Variants in ST7 observed in about 807,000 individuals in gnomAD.
ST7 encodes the protein suppressor of tumorigenicity 7 protein.
Under a neutral mutation model 78.7 loss-of-function variants are expected in ST7, and 28 were observed. The observed-to-expected ratio is 0.36, with a 90% CI of 0.26 to 0.49. The LOEUF (loss-of-function observed/expected upper bound fraction) is 0.49, where lower values mean the gene tolerates loss of function less well. Among genes scored for constraint, ST7 ranks in the 20% least tolerant of loss-of-function variants. The pLI is 0.99. For missense variants in ST7, 418 were observed against 696.0 expected (o/e 0.60, Z 4.49); for synonymous variants, 247 against 249.6 (o/e 0.99, Z 0.10).
In ST7 at chr7:117,219,185, C is replaced by T; in HGVS notation, c.1498+9C>T. Reference sequence around the variant, plus strand: ...CCGAGAGCTGCTTCCATGTAAGTCTCACCTCTCTTCAGCCAGTGAGGGTGT... The same window carrying T: ...CCGAGAGCTGCTTCCATGTAAGTCTTACCTCTCTTCAGCCAGTGAGGGTGT... On this transcript the variant is annotated intron_variant, in intron 14 of 15. Coordinates refer to ENST00000323984, the MANE Select transcript of ST7 (RefSeq NM_001369598.1). This position sits in a 1 kb window ranked among gnomAD's most constrained non-coding sequence, Gnocchi z 5.1. The T allele has an allele frequency of 1.2e-6, 2 of 1,609,082 alleles. No homozygotes were observed. Among genetic ancestry groups the T allele is most frequent in the Non-Finnish European group, 1.7e-6 (2 of 1,176,836 alleles).
chr7:117,016,512 T>C (rs941191606), intron 1 of ST7, among the ~76,000 whole-genome samples: 28 of 152,202 alleles, frequency 1.8e-4, no homozygotes, highest in African/African-American at 6.3e-4. Context: ...TCTTAAGTAA[T>C]ACTTTATATA....
chr7:116,962,813 AG>A (rs1792899671), intron 1 of ST7, among the ~76,000 whole-genome samples: 1 of 152,134 alleles, frequency 6.6e-6, no homozygotes, highest in Non-Finnish European at 1.5e-5. Flanking sequence ...TTCTAGATAT[AG>A]GATCATGTCG....
chr7:117,106,014 C>T (rs1049229893), intron 2 of ST7, among the ~76,000 whole-genome samples: 1 of 151,174 alleles, frequency 6.6e-6, no homozygotes, highest in Non-Finnish European at 1.5e-5. Context: ...TTTTTTGAGA[C>T]GGAGTCTCGC....
intron 1 of ST7, among the ~76,000 whole-genome samples, chr7:117,093,558 G>A (rs993732600): frequency 2.6e-5 from 4 of 152,112 alleles, no homozygotes; most frequent in Non-Finnish European, 4.4e-5. Context: ...AAAATTAGCC[G>A]GGTGTGGTGG....
intron 1 of ST7, among the ~76,000 whole-genome samples, chr7:117,079,703 A>G (rs1244222704): frequency 6.6e-6 from 1 of 152,212 alleles, no homozygotes; most frequent in Non-Finnish European, 1.5e-5. Flanking sequence ...ATTTGTTACC[A>G]AAATAAAACA....
chr7:117,164,074 A>T (rs989870444), intron 9 of ST7, among the ~76,000 whole-genome samples: 1 of 152,210 alleles, frequency 6.6e-6, no homozygotes, highest in Non-Finnish European at 1.5e-5. Context: ...CTAAGCAAAA[A>T]GTACAAAGCT....
intron 1 of ST7, chr7:116,954,485 G>A (rs536115557): frequency 2.6e-5 from 4 of 152,334 alleles, no homozygotes; most frequent in African/African-American, 9.6e-5. Context: ...CAAGTGCCGC[G>A]TGCCTCCCAT....
chr7:116,991,184 G>A (rs1794410925), intron 1 of ST7, among the ~76,000 whole-genome samples: 1 of 152,156 alleles, frequency 6.6e-6, no homozygotes, highest in Admixed American at 6.5e-5. Context: ...TTAGTATTTT[G>A]TTTTGAAAAA....
intron 14 of ST7, among the ~76,000 whole-genome samples, chr7:117,220,274 G>T (rs1792991060): frequency 6.6e-6 from 1 of 152,182 alleles, no homozygotes; most frequent in Non-Finnish European, 1.5e-5. Flanking sequence ...CTGCCAGCCA[G>T]ACCCAGTGCG....
At chr7:117,016,060 TA>T (rs1178944770) in intron 1 of ST7, among the ~76,000 whole-genome samples, 2 of 152,242 alleles carry the variant, frequency 1.3e-5, no homozygotes, top group Non-Finnish European at 2.9e-5. Context: ...GCTTGCTATT[TA>T]AAGGACTTCT....
chr7:117,223,481 T>G, intron 15 of ST7: 1 of 162,396 alleles, frequency 6.2e-6, no homozygotes, highest in East Asian at 1.8e-4. Context: ...CAGCCTTAGC[T>G]CTCCCAACTC....
rs182539512 is a variant in ST7, at chr7:117,041,632, A to G, written c.152-58130A>G. Among the ~76,000 whole-genome samples, 10 of 152,222 alleles carry G rather than the reference A, an allele frequency of 6.6e-5. No individual in the cohort carries two copies. In the South Asian group the frequency reaches 8.3e-4, roughly 13 times the overall value. ...ACATATAAATGCCCCTTCTCTCTGC[A>G]TATATGTATTCGCTGCATAGGGTAT... On this transcript the variant is annotated intron_variant, in intron 1 of 15. Coordinates refer to ENST00000323984, the MANE Select transcript of ST7 (RefSeq NM_001369598.1).
intron 15 of ST7, among the ~76,000 whole-genome samples, chr7:117,228,959 C>T (rs1489335296): frequency 6.6e-6 from 1 of 152,214 alleles, no homozygotes; most frequent in Non-Finnish European, 1.5e-5. Flanking sequence ...GGCACCTCTT[C>T]TGCCAGATGC....
intron 1 of ST7, chr7:116,967,337 C>G (rs764365354): frequency 6.4e-6 from 3 of 471,044 alleles, no homozygotes; most frequent in Non-Finnish European, 1.3e-5. Context: ...TTTGAGTGCT[C>G]CACTTGCGCT....
chr7:117,057,754 G>A (rs537421376), intron 1 of ST7, among the ~76,000 whole-genome samples: 30 of 152,158 alleles, frequency 2.0e-4, no homozygotes, highest in Non-Finnish European at 3.5e-4. Flanking sequence ...TAGTGATATA[G>A]TAGAGTGAGG....
intron 1 of ST7, chr7:116,959,805 T>C (rs1274699471): frequency 6.6e-6 from 1 of 152,218 alleles, no homozygotes; most frequent in African/African-American, 2.4e-5. Context: ...AATAAAGCAA[T>C]CCGAATGATG....
intron 12 of ST7, among the ~76,000 whole-genome samples, chr7:117,203,312 A>G (rs1811052095): frequency 6.6e-6 from 1 of 152,168 alleles, no homozygotes; most frequent in Non-Finnish European, 1.5e-5. Context: ...TCATTTTCCC[A>G]TCTGTGAAAC....
intron 1 of ST7, among the ~76,000 whole-genome samples, chr7:116,987,713 C>CGTGGT (rs1794247649): frequency 3.9e-5 from 6 of 152,298 alleles, no homozygotes; most frequent in African/African-American, 1.4e-4. Flanking sequence ...AGAAATCACC[C>CGTGGT]ACTGTGAATA....
chr7:116,979,849 C>T (rs1292772888), intron 1 of ST7, among the ~76,000 whole-genome samples: 1 of 151,880 alleles, frequency 6.6e-6, no homozygotes, highest in Non-Finnish European at 1.5e-5. Context: ...TGGCTTGATA[C>T]TCACTGCTTT....
Sources: gnomAD v4.1 joint callset for allele counts (sites outside exome capture counted in the v4.1 genomes callset) on GRCh38, gnomAD v4.1.1 for gene constraint, Gnocchi (gnomAD v3.1) non-coding constraint, MANE v1.5 for transcripts, NCBI Gene and HGNC (gene_info 2026-07-23, HGNC 2026-07-21) for gene names.